The following CBX3 variants were observed in gnomAD, a reference collection of about 807,000 sequenced individuals.
CBX3 encodes the protein chromobox 3.
CBX3 carries 5 observed loss-of-function variants against 22.6 expected under a neutral mutation model. The ratio of observed to expected loss-of-function variants is 0.22; its 90% CI spans 0.12 to 0.47. CBX3 has a LOEUF of 0.47. CBX3 is among the 20% of genes least tolerant of loss of function. The pLI is 0.99. For missense variants in CBX3, 83 were observed against 208.1 expected (o/e 0.40, Z 3.70); for synonymous variants, 50 against 66.6 (o/e 0.75, Z 1.21).
Position 26,203,029 on chromosome 7 carries a change from T to C in CBX3, c.24+7T>C. 1 of 1,510,612 alleles carries C rather than the reference T, an allele frequency of 6.6e-7. No homozygotes were observed. The highest frequency in any genetic ancestry group is 8.9e-7 in the Non-Finnish European group (1 of 1,120,556). The allele number at this position is 1,510,612 out of a possible 1,614,324, so 93.6% of individuals were successfully genotyped here. ...CTCCAACAAAACTACATTGGTAAGT[T>C]AATGAAAACCTAAAATATGTAAGGA... is the stretch of plus-strand genomic sequence containing the variant. On this transcript the variant is annotated splice_region_variant and intron_variant, in intron 2 of 5. Transcript: ENST00000396386.
At chr7:26,203,424 G>A (rs1177385493) in intron 2 of CBX3, among the ~76,000 whole-genome samples, 1 of 152,072 alleles carries the variant, frequency 6.6e-6, no homozygotes. Flanking sequence ...AAAGAACAAG[G>A]TACCTTGTGC....
At chr7:26,202,310 C>T (rs1384342621) in intron 1 of CBX3, 1 of 152,228 alleles carries the variant, frequency 6.6e-6, no homozygotes, top group African/African-American at 2.4e-5. Context: ...GCGCAGTGCC[C>T]TTGAGCCCCC....
At chr7:26,211,836 G>A in intron 5 of CBX3, 80 bp downstream of exon 5, 1 of 1,093,130 alleles carries the variant, frequency 9.1e-7, no homozygotes, top group Admixed American at 2.5e-5. Flanking sequence ...TTCATCATTA[G>A]GTAGGGAAAA....
At chr7:26,211,554 T>G (rs1330504375) in intron 4 of CBX3, 108 bp from the exon 5 acceptor site, 2 of 611,298 alleles carry the variant, frequency 3.3e-6, no homozygotes, top group African/African-American at 3.8e-5. Context: ...ATATGGGTTC[T>G]TGCTCTAGTC....
chr7:26,208,667 C>A, intron 4 of CBX3, 112 bp downstream of exon 4: 2 of 996,892 alleles, frequency 2.0e-6, no homozygotes, highest in Non-Finnish European at 2.9e-6. Flanking sequence ...GTCGCCCAGG[C>A]TGGAGTGCAA....
At chr7:26,204,499 G>T (rs1784631062) in intron 2 of CBX3, among the ~76,000 whole-genome samples, 1 of 152,102 alleles carries the variant, frequency 6.6e-6, no homozygotes, top group African/African-American at 2.4e-5. Context: ...ACTTAGAAAT[G>T]GTATCCAAAA....
Position 26,206,351 on chromosome 7 carries a change from CTT to C in CBX3, c.25-14_25-13del. On this transcript the variant is annotated splice_polypyrimidine_tract_variant and intron_variant, in intron 2 of 5. Coordinates refer to ENST00000396386, the MANE Select transcript of CBX3 (RefSeq NM_016587.4). Reference sequence around the variant, plus strand: ...TCAAGAGGAATATTTCTTAATTTCTCTTTTGTTTTATTTTAGCAAAAAATGGG... The same window carrying C: ...TCAAGAGGAATATTTCTTAATTTCTCTTGTTTTATTTTAGCAAAAAATGGG... 1.3e-6 allele frequency: 2 copies of C among 1,542,512 alleles called. No homozygotes were observed. The highest frequency in any genetic ancestry group is 1.8e-6 in the Non-Finnish European group (2 of 1,129,234).
chr7:26,203,629 C>T (rs755620807), intron 2 of CBX3, among the ~76,000 whole-genome samples: 4 of 151,892 alleles, frequency 2.6e-5, no homozygotes, highest in Non-Finnish European at 5.9e-5. Flanking sequence ...TCTTATTCAG[C>T]CATGTCATGT....
At chr7:26,211,570 C>T in intron 4 of CBX3, 92 bp from the exon 5 acceptor site, 2 of 706,956 alleles carry the variant, frequency 2.8e-6, no homozygotes, top group Non-Finnish European at 4.7e-6. Context: ...TAGTCATTTC[C>T]ATCTCACTAT....
intron 1 of CBX3, 41 bp from the exon 2 acceptor site, chr7:26,202,928 TTG>T: frequency 8.1e-7 from 1 of 1,230,730 alleles, no homozygotes; most frequent in East Asian, 2.4e-5. Context: ...GTTACCTTTT[TTG>T]TGTCATGCAA....
chr7:26,206,978 C>G (rs1474899969), intron 3 of CBX3, among the ~76,000 whole-genome samples: 2 of 152,126 alleles, frequency 1.3e-5, no homozygotes, highest in Non-Finnish European at 2.9e-5. Context: ...CTCTCTGGTT[C>G]CTTGTGTTCT....
At chr7:26,202,269 G>A (rs576860321) in intron 1 of CBX3, 54 of 152,152 alleles carry the variant, frequency 3.5e-4, no homozygotes, top group East Asian at 1.5e-3. Flanking sequence ...CAGTTAACGT[G>A]GCCGCCGCGG....
At position 26,202,990 on chromosome 7, in the gene CBX3, C is replaced by T. The variant is rs370877360; in HGVS notation, c.-9C>T. 1.9e-4 allele frequency: 302 copies of T among 1,606,084 alleles called. No individual in the cohort carries two copies. The highest frequency in any genetic ancestry group is 2.5e-4 in the Non-Finnish European group (292 of 1,173,352). On this transcript the variant is annotated 5_prime_UTR_variant, in exon 2 of 6. Coordinates refer to ENST00000396386, the MANE Select transcript of CBX3 (RefSeq NM_016587.4). ...TTCTAGTAATAGCTCTTCAAGTCTG[C>T]AATAAAAAATGGCCTCCAACAAAAC... is the stretch of plus-strand genomic sequence containing the variant.
At chr7:26,206,258 A>G in intron 2 of CBX3, 110 bp from the exon 3 acceptor site, 1 of 676,462 alleles carries the variant, frequency 1.5e-6, no homozygotes. Flanking sequence ...CCTGGGATAT[A>G]GAAGTAAAAA....
Position 26,213,463 on chromosome 7 carries a change from T to TAC in CBX3, c.*1257_*1258dup, listed in dbSNP as rs1356981155. 1.3e-5 allele frequency: 2 copies of TAC among 152,272 alleles called. No homozygotes were observed. The highest frequency in any genetic ancestry group is 2.9e-5 in the Non-Finnish European group (2 of 68,032). The allele number at this position is 152,272 out of a possible 1,614,324, so 9.4% of individuals were successfully genotyped here. A position where few individuals can be genotyped will look rare whatever the true frequency, so the allele number is the denominator to read the frequency against. Reference sequence around the variant, plus strand: ...AAGTTAGATGATACCAGTAAGGCATTACAGTACATATCCTAGATCTTTTGA... The same window carrying TAC: ...AAGTTAGATGATACCAGTAAGGCATTACACAGTACATATCCTAGATCTTTTGA... On this transcript the variant is annotated 3_prime_UTR_variant, in exon 6 of 6. Coordinates refer to ENST00000396386, the MANE Select transcript of CBX3 (RefSeq NM_016587.4).
At chr7:26,209,922 A>G (rs1206957239) in intron 4 of CBX3, 1 of 152,238 alleles carries the variant, frequency 6.6e-6, no homozygotes, top group Non-Finnish European at 1.5e-5. Context: ...GGTCATAGGT[A>G]TAATCACTAT....
chr7:26,205,981 C>G (rs139005383), intron 2 of CBX3: 1 of 161,916 alleles, frequency 6.2e-6, no homozygotes, highest in Non-Finnish European at 1.3e-5. Flanking sequence ...CCCAGCTACT[C>G]TGGAGGCTGA....
chr7:26,202,976 G>A lies in CBX3; in HGVS notation c.-23G>A. On this transcript the variant is annotated 5_prime_UTR_variant, in exon 2 of 6. Transcript: ENST00000396386. ...ACTGTCATGCATTTTTCTAGTAATAGCTCTTCAAGTCTGCAATAAAAAATG... is the reference window on the plus strand; with the variant it reads ...ACTGTCATGCATTTTTCTAGTAATAACTCTTCAAGTCTGCAATAAAAAATG... 1.3e-6 allele frequency: 2 copies of A among 1,597,830 alleles called. No homozygotes were observed. Among genetic ancestry groups the A allele is most frequent in the Non-Finnish European group, 1.7e-6 (2 of 1,166,472 alleles).
chr7:26,202,200 C>CCCGCGT (rs1023909353), intron 1 of CBX3: 1 of 151,874 alleles, frequency 6.6e-6, no homozygotes, highest in Non-Finnish European at 1.5e-5. Flanking sequence ...GGCGCGTGGT[C>CCCGCGT]CCGCGTCCGC....
Sources: gnomAD v4.1 joint callset for allele counts (sites outside exome capture counted in the v4.1 genomes callset) on GRCh38, gnomAD v4.1.1 for gene constraint, MANE v1.5 for transcripts, NCBI Gene and HGNC (gene_info 2026-07-23, HGNC 2026-07-21) for gene names.